SPOCK1: variants seen among roughly 807,000 people sequenced by gnomAD.
The protein encoded by SPOCK1 is testican-1.
Under a neutral mutation model 55.3 loss-of-function variants are expected in SPOCK1, and 23 were observed. The ratio of observed to expected loss-of-function variants is 0.42; its 90% CI spans 0.30 to 0.59. The LOEUF (loss-of-function observed/expected upper bound fraction) is 0.59, where lower values mean the gene tolerates loss of function less well. SPOCK1 is among the 20% of genes least tolerant of loss of function. The pLI is 0.22. For missense variants in SPOCK1, 499 were observed against 552.5 expected (o/e 0.90, Z 0.97); for synonymous variants, 226 against 221.0 (o/e 1.02, Z -0.20).
chr5:137,027,333 G>C (rs1255627122), intron 6 of SPOCK1, among the ~76,000 whole-genome samples: 1 of 152,192 alleles, frequency 6.6e-6, no homozygotes, highest in Non-Finnish European at 1.5e-5. Flanking sequence ...AAGCTGTTAG[G>C]TCAGTTTTAT....
In SPOCK1 at chr5:137,370,205, C is replaced by T. The variant is rs140908262; in HGVS notation, c.187-103150G>A. 2.6e-3 allele frequency among the ~76,000 whole-genome samples: 389 copies of T among 152,272 alleles called. 2 individuals carry two copies. Among genetic ancestry groups the T allele is most frequent in the Non-Finnish European group, 4.3e-3 (294 of 68,024 alleles). Reference sequence around the variant, plus strand: ...GCTGCCTACCTCTGCCGAGCCAGAGCATGACTCGGAATTGAACTTTTTCCC... The same window carrying T: ...GCTGCCTACCTCTGCCGAGCCAGAGTATGACTCGGAATTGAACTTTTTCCC... On this transcript the variant is annotated intron_variant, in intron 2 of 10. Coordinates refer to ENST00000394945, the MANE Select transcript of SPOCK1 (RefSeq NM_004598.4).
intron 6 of SPOCK1, among the ~76,000 whole-genome samples, chr5:137,059,990 A>G (rs1752366942): frequency 6.6e-6 from 1 of 152,194 alleles, no homozygotes; most frequent in African/African-American, 2.4e-5. Context: ...ACACTTATAT[A>G]CTGCTGATGG....
At chr5:137,167,394 A>G (rs960781722) in intron 3 of SPOCK1, among the ~76,000 whole-genome samples, 4 of 151,562 alleles carry the variant, frequency 2.6e-5, no homozygotes, top group African/African-American at 9.7e-5. Context: ...CAGTTTCAGC[A>G]CTGGACAGAT....
At chr5:136,995,835 T>G (rs963716952) in intron 6 of SPOCK1, among the ~76,000 whole-genome samples, 1 of 152,146 alleles carries the variant, frequency 6.6e-6, no homozygotes, top group Admixed American at 6.5e-5. Flanking sequence ...AATCTGTCAC[T>G]CAGGGACAAG....
At chr5:137,239,990 C>T (rs1756253078) in intron 3 of SPOCK1, among the ~76,000 whole-genome samples, 1 of 152,136 alleles carries the variant, frequency 6.6e-6, no homozygotes, top group African/African-American at 2.4e-5. Flanking sequence ...TGCAAATATC[C>T]ATAGCTTCCT....
At chr5:137,336,745 T>A (rs1331770794) in intron 2 of SPOCK1, among the ~76,000 whole-genome samples, 1 of 152,186 alleles carries the variant, frequency 6.6e-6, no homozygotes, top group African/African-American at 2.4e-5. Context: ...GAGGCTTGGA[T>A]AAAGAACCTA....
intron 3 of SPOCK1, among the ~76,000 whole-genome samples, chr5:137,216,572 G>C (rs2127084990): frequency 6.6e-6 from 1 of 152,256 alleles, no homozygotes; most frequent in South Asian, 2.1e-4. Context: ...TTAGCCAGGT[G>C]TGGTGGTGCA....
chr5:137,187,094 C>T (rs1755083172), intron 3 of SPOCK1, among the ~76,000 whole-genome samples: 1 of 152,198 alleles, frequency 6.6e-6, no homozygotes, highest in East Asian at 1.9e-4. Flanking sequence ...TTATGCTTTG[C>T]TGTTCCTTGG....
chr5:137,191,169 G>T (rs1021920193), intron 3 of SPOCK1, among the ~76,000 whole-genome samples: 4 of 152,162 alleles, frequency 2.6e-5, no homozygotes, highest in Admixed American at 6.5e-5. Flanking sequence ...TCTTGGCTGG[G>T]ATCTTGAGCA....
chr5:137,360,755 G>C lies in SPOCK1; in HGVS notation c.187-93700C>G, dbSNP rs78327599. Among the ~76,000 whole-genome samples, 784 of 152,310 alleles carry C rather than the reference G, an allele frequency of 5.1e-3. 6 individuals are homozygous for C. The highest frequency in any genetic ancestry group is 0.018 in the African/African-American group (742 of 41,582). On this transcript the variant is annotated intron_variant, in intron 2 of 10. Transcript: ENST00000394945. ...AAGACTGTCTACCATCCCAAAGAAA[G>C]CTGGTAGATCAGGGTTTCTCAAACT...
At chr5:137,245,561 A>C (rs1048448808) in intron 3 of SPOCK1, among the ~76,000 whole-genome samples, 12 of 152,200 alleles carry the variant, frequency 7.9e-5, no homozygotes, top group African/African-American at 2.9e-4. Context: ...TCAAAAACTT[A>C]GCAGAGTCAG....
intron 2 of SPOCK1, among the ~76,000 whole-genome samples, chr5:137,449,328 A>ATCCTCTGC (rs1392922969): frequency 6.6e-6 from 1 of 152,206 alleles, no homozygotes; most frequent in African/African-American, 2.4e-5. Context: ...ACTCAAAAAC[A>ATCCTCTGC]TCCTCTGCTC....
chr5:137,031,026 C>T (rs530039561), intron 6 of SPOCK1, among the ~76,000 whole-genome samples: 286 of 152,274 alleles, frequency 1.9e-3, no homozygotes, highest in Non-Finnish European at 3.4e-3. Flanking sequence ...CTTTTCTCTA[C>T]ATTAAAATAA....
intron 6 of SPOCK1, among the ~76,000 whole-genome samples, chr5:137,019,801 C>T (rs979317864): frequency 5.7e-4 from 86 of 151,730 alleles, no homozygotes; most frequent in African/African-American, 2.1e-3. Flanking sequence ...GAATGATAGA[C>T]AAAGGAAAAG....
chr5:137,469,238 T>C (rs1423280530), intron 2 of SPOCK1, among the ~76,000 whole-genome samples: 1 of 152,228 alleles, frequency 6.6e-6, no homozygotes, highest in Non-Finnish European at 1.5e-5. Flanking sequence ...TGTTAGGATT[T>C]CATTGCTTGC....
intron 6 of SPOCK1, among the ~76,000 whole-genome samples, chr5:137,035,940 T>C (rs1291605590): frequency 6.6e-6 from 1 of 152,160 alleles, no homozygotes; most frequent in Non-Finnish European, 1.5e-5. Context: ...TAACCAGGGA[T>C]TGAGGCAGAG....
intron 3 of SPOCK1, among the ~76,000 whole-genome samples, chr5:137,247,764 G>A (rs1185792288): frequency 6.6e-6 from 1 of 152,216 alleles, no homozygotes; most frequent in Non-Finnish European, 1.5e-5. Flanking sequence ...GGCAGAGGGG[G>A]TCTAAGGGGA....
chr5:137,178,059 A>T (rs996094543), intron 3 of SPOCK1, among the ~76,000 whole-genome samples: 4 of 152,196 alleles, frequency 2.6e-5, no homozygotes, highest in Admixed American at 6.5e-5. Context: ...CAGAGAAAAG[A>T]TGAATCTCTG....
At chr5:137,230,501 T>C (rs1216652452) in intron 3 of SPOCK1, among the ~76,000 whole-genome samples, 2 of 152,230 alleles carry the variant, frequency 1.3e-5, no homozygotes, top group Non-Finnish European at 2.9e-5. Flanking sequence ...CTTTACTACT[T>C]CTGTAAGAAG....
Sources: allele counts gnomAD v4.1 joint callset (sites outside exome capture counted in the v4.1 genomes callset), GRCh38; gene constraint gnomAD v4.1.1; transcripts MANE v1.5; gene names NCBI Gene and HGNC (gene_info 2026-07-23, HGNC 2026-07-21).